The following PLEKHA7 variants were observed in gnomAD, a reference collection of about 807,000 sequenced individuals.
PLEKHA7 encodes pleckstrin homology domain containing A7.
Under a neutral mutation model 170.0 loss-of-function variants are expected in PLEKHA7, and 104 were observed. The observed-to-expected ratio is 0.61, with a 90% CI of 0.52 to 0.72. The LOEUF (loss-of-function observed/expected upper bound fraction) is 0.72. PLEKHA7 is among the 30% of genes least tolerant of loss of function. The pLI is 0.00. For missense variants in PLEKHA7, 1,615 were observed against 1,671.7 expected (o/e 0.97, Z 0.59); for synonymous variants, 648 against 660.8 (o/e 0.98, Z 0.30).
intron 13 of PLEKHA7, among the ~76,000 whole-genome samples, chr11:16,811,032 A>C (rs891679702): frequency 1.3e-5 from 2 of 152,216 alleles, no homozygotes; most frequent in African/African-American, 4.8e-5. Context: ...ATTGTTATTA[A>C]GCTTCTGTTG....
chr11:16,958,613 T>C (rs1024783119), intron 3 of PLEKHA7, among the ~76,000 whole-genome samples: 8 of 152,226 alleles, frequency 5.3e-5, no homozygotes, highest in Non-Finnish European at 1.0e-4. Context: ...TACGGTCTAA[T>C]ATGCATTATT....
At chr11:16,833,252 C>A (rs559325434) in intron 9 of PLEKHA7, among the ~76,000 whole-genome samples, 34 of 152,200 alleles carry the variant, frequency 2.2e-4, no homozygotes, top group Non-Finnish European at 4.4e-4. Flanking sequence ...CAGAGAAGAG[C>A]GAGGCTGCAG....
rs1181974634 is a variant in PLEKHA7 at position 16,984,371 on chromosome 11, A to G, written c.221+29618T>C. Among the ~76,000 whole-genome samples the G allele has an allele frequency of 2.0e-5, 3 of 152,092 alleles. No individual in the cohort carries two copies. The East Asian group carries it at 5.8e-4, about 29-fold the overall frequency. On this transcript the variant is annotated intron_variant, in intron 3 of 26. Transcript: ENST00000531066. The stretch of plus-strand genomic sequence containing the variant: ...TCTAAAGCAAAAGTCAGATCATGCC[A>G]CTCCTCTGTTCAAAGCCTTCCATTG...
chr11:16,891,928 AT>A (rs1288756936), intron 3 of PLEKHA7, among the ~76,000 whole-genome samples: 1 of 152,198 alleles, frequency 6.6e-6, no homozygotes, highest in African/African-American at 2.4e-5. Flanking sequence ...AAGTAATCTA[AT>A]TTGTTCCCTG....
At chr11:16,995,921 C>G (rs1864312669) in intron 3 of PLEKHA7, among the ~76,000 whole-genome samples, 1 of 152,130 alleles carries the variant, frequency 6.6e-6, no homozygotes, top group South Asian at 2.1e-4. Context: ...GTTCATTGCC[C>G]TCCCTTAGAA....
chr11:16,884,751 A>G (rs990664764), intron 3 of PLEKHA7, among the ~76,000 whole-genome samples: 1 of 152,192 alleles, frequency 6.6e-6, no homozygotes, highest in African/African-American at 2.4e-5. Flanking sequence ...TGACCTTTTT[A>G]TTTCCATGCA....
At chr11:16,993,128 A>AGTAC (rs1286046238) in intron 3 of PLEKHA7, among the ~76,000 whole-genome samples, 1 of 152,196 alleles carries the variant, frequency 6.6e-6, no homozygotes, top group African/African-American at 2.4e-5. Context: ...TATCAGGCTC[A>AGTAC]GTACCAAGAA....
chr11:16,790,422 T>C (rs1204506089), intron 21 of PLEKHA7: 2 of 216,152 alleles, frequency 9.3e-6, no homozygotes, highest in East Asian at 1.3e-4. Flanking sequence ...GTTCCACCAA[T>C]GACCAGCTAA....
At chr11:16,878,007 A>G (rs1806247474) in intron 3 of PLEKHA7, among the ~76,000 whole-genome samples, 1 of 152,228 alleles carries the variant, frequency 6.6e-6, no homozygotes, top group African/African-American at 2.4e-5. Flanking sequence ...ACATTTTAAC[A>G]GGGCAAGAAT....
chr11:16,926,881 C>T (rs1859588229), intron 3 of PLEKHA7, among the ~76,000 whole-genome samples: 1 of 152,232 alleles, frequency 6.6e-6, no homozygotes, highest in Non-Finnish European at 1.5e-5. Flanking sequence ...TGATCCATGG[C>T]TGTCCTACCT....
intron 3 of PLEKHA7, among the ~76,000 whole-genome samples, chr11:16,927,689 T>G (rs1859661278): frequency 6.6e-6 from 1 of 152,248 alleles, no homozygotes; most frequent in Non-Finnish European, 1.5e-5. Flanking sequence ...TTTGGCAATA[T>G]GAATTAAAAG....
intron 10 of PLEKHA7, among the ~76,000 whole-genome samples, chr11:16,823,736 CCAA>C (rs1850420388): frequency 6.6e-6 from 1 of 152,204 alleles, no homozygotes; most frequent in East Asian, 1.9e-4. Context: ...CTGATTTCCC[CCAA>C]CTTGTTCCTT....
At chr11:16,975,149 C>A (rs1862981677) in intron 3 of PLEKHA7, 2 of 383,936 alleles carry the variant, frequency 5.2e-6, no homozygotes, top group South Asian at 1.5e-4. Flanking sequence ...AGGACAGTTC[C>A]ACCACTTCAA....
intron 3 of PLEKHA7, among the ~76,000 whole-genome samples, chr11:16,955,336 G>A (rs60138646): frequency 0.017 from 2,615 of 152,210 alleles, 91 homozygotes; most frequent in African/African-American, 0.061. Context: ...TCCCTTTTCT[G>A]TATCCCATGG....
At chr11:16,902,731 G>A (rs1157923612) in intron 3 of PLEKHA7, among the ~76,000 whole-genome samples, 1 of 152,156 alleles carries the variant, frequency 6.6e-6, no homozygotes, top group Non-Finnish European at 1.5e-5. Flanking sequence ...AATTATCCTA[G>A]GCAAGTCATT....
At chr11:16,985,399 C>G (rs1332994703) in intron 3 of PLEKHA7, among the ~76,000 whole-genome samples, 4 of 152,196 alleles carry the variant, frequency 2.6e-5, no homozygotes, top group Non-Finnish European at 5.9e-5. Context: ...CAAAACTGAA[C>G]TAGAATGGAC....
At chr11:16,952,866 C>T (rs183871350) in intron 3 of PLEKHA7, among the ~76,000 whole-genome samples, 29 of 152,300 alleles carry the variant, frequency 1.9e-4, no homozygotes, top group Admixed American at 5.2e-4. Context: ...TTTAAAAACA[C>T]AAGAGAACAA....
intron 3 of PLEKHA7, among the ~76,000 whole-genome samples, chr11:17,007,674 A>C (rs1865090480): frequency 6.6e-6 from 1 of 151,636 alleles, no homozygotes; most frequent in Non-Finnish European, 1.5e-5. Flanking sequence ...CCCAAGCTCA[A>C]GTGATCCTCC....
intron 3 of PLEKHA7, among the ~76,000 whole-genome samples, chr11:16,897,893 G>A (rs1185657637): frequency 2.0e-5 from 3 of 152,132 alleles, no homozygotes; most frequent in Middle Eastern, 3.2e-3. Context: ...AATGACAAAC[G>A]CTCATTTCAG....
Sources: gnomAD v4.1 joint callset for allele counts (sites outside exome capture counted in the v4.1 genomes callset) on GRCh38, gnomAD v4.1.1 for gene constraint, MANE v1.5 for transcripts, NCBI Gene and HGNC (gene_info 2026-07-23, HGNC 2026-07-21) for gene names.